Variants in PTPRT observed in about 807,000 individuals in gnomAD.
PTPRT encodes the protein protein tyrosine phosphatase receptor type T, also known as receptor-type tyrosine-protein phosphatase T.
Under a neutral mutation model 176.8 loss-of-function variants are expected in PTPRT, and 56 were observed. The observed-to-expected ratio is 0.32, with a 90% CI of 0.26 to 0.40. The LOEUF is 0.40. PTPRT is among the 10% of genes least tolerant of loss of function. The pLI, the probability that PTPRT is intolerant of heterozygous loss-of-function variation, is 1.00. For missense variants in PTPRT, 1,540 were observed against 1,908.2 expected (o/e 0.81, Z 3.60); for synonymous variants, 783 against 739.0 (o/e 1.06, Z -0.96).
intron 27 of PTPRT, among the ~76,000 whole-genome samples, chr20:42,096,756 A>AATTTTTTTTTT (rs1555862037): frequency 8.4e-6 from 1 of 118,868 alleles, no homozygotes; most frequent in African/African-American, 3.1e-5. Context: ...GCTAATTAAA[A>AATTTTTTTTTT]TTTTTTTTTT....
chr20:42,063,280 G>A, the PTPRT span, among the ~76,000 whole-genome samples: 22 of 152,168 alleles, frequency 1.4e-4, no homozygotes, highest in Non-Finnish European at 2.9e-5. Context: ...CCCACAGTCT[G>A]TTTGGACATA....
chr20:42,469,060 C>T (rs1316546023), intron 8 of PTPRT, among the ~76,000 whole-genome samples: 1 of 152,114 alleles, frequency 6.6e-6, no homozygotes, highest in African/African-American at 2.4e-5. Context: ...GGGATAGATG[C>T]TCCTTTGTGA....
At chr20:43,077,253 G>A (rs1416802308) in intron 1 of PTPRT, among the ~76,000 whole-genome samples, 6 of 152,178 alleles carry the variant, frequency 3.9e-5, no homozygotes, top group Non-Finnish European at 2.9e-5. Context: ...GGCTTCATGT[G>A]CATTATCTCA....
chr20:42,194,362 T>C (rs1333943361), intron 16 of PTPRT, among the ~76,000 whole-genome samples: 1 of 152,178 alleles, frequency 6.6e-6, no homozygotes, highest in African/African-American at 2.4e-5. Context: ...TGCCTTTACC[T>C]TCCAGACATG....
intron 13 of PTPRT, among the ~76,000 whole-genome samples, chr20:42,269,444 A>G (rs1210601338): frequency 6.6e-6 from 1 of 152,206 alleles, no homozygotes; most frequent in Admixed American, 6.5e-5. Context: ...TGACAGTTAA[A>G]GGTTTGAAAT....
At chr20:42,687,018 G>T (rs2146102805) in intron 6 of PTPRT, among the ~76,000 whole-genome samples, 1 of 152,228 alleles carries the variant, frequency 6.6e-6, no homozygotes, top group African/African-American at 2.4e-5. Context: ...TCTTCCTCAT[G>T]GTAATTGCCA....
At chr20:42,639,723 G>C (rs1600526680) in intron 7 of PTPRT, among the ~76,000 whole-genome samples, 1 of 152,032 alleles carries the variant, frequency 6.6e-6, no homozygotes, top group African/African-American at 2.4e-5. Context: ...AGGACACTAG[G>C]AGACACAAAC....
At chr20:42,832,826 A>T (rs2867558) in intron 2 of PTPRT, among the ~76,000 whole-genome samples, 8,647 of 140,726 alleles carry the variant, frequency 0.061, 379 homozygotes, top group East Asian at 0.14. Context: ...AAAAAAGGCC[A>T]GGCTTGGTGC....
At chr20:42,974,548 A>G (rs1393528581) in intron 1 of PTPRT, among the ~76,000 whole-genome samples, 1 of 151,666 alleles carries the variant, frequency 6.6e-6, no homozygotes, top group Non-Finnish European at 1.5e-5. Flanking sequence ...AGCTTCTTTC[A>G]CTCTACACTG....
At chr20:42,136,897 G>A (rs558983466) in intron 18 of PTPRT, among the ~76,000 whole-genome samples, 6 of 152,234 alleles carry the variant, frequency 3.9e-5, no homozygotes, top group South Asian at 2.1e-4. Context: ...GGCTTAATTC[G>A]GCTGAGGAGC....
chr20:42,367,322 C>A (rs988461), intron 9 of PTPRT, among the ~76,000 whole-genome samples: 65,926 of 152,002 alleles, frequency 0.43, 15,118 homozygotes, highest in Non-Finnish European at 0.51. Flanking sequence ...GTCAGTCAGA[C>A]CTGAATCTAC....
At position 42,080,943 on chromosome 20, in the gene PTPRT, G is replaced by GAGAGGAGC; in HGVS notation, c.4273-19_4273-12dup. On this transcript the variant is annotated splice_polypyrimidine_tract_variant and intron_variant, in intron 30 of 30. Coordinates refer to ENST00000373187, the MANE Select transcript of PTPRT (RefSeq NM_007050.6). ...AAATTTATACTGTTCCTGAGAGGCG[G>GAGAGGAGC]AGAGGAGCAGAGGCAGAGAGGGAGA... 1.3e-6 allele frequency: 2 copies of GAGAGGAGC among 1,577,176 alleles called. No homozygotes were observed. The highest frequency in any genetic ancestry group is 1.7e-6 in the Non-Finnish European group (2 of 1,147,020).
At chr20:42,835,603 T>C (rs757592229) in intron 2 of PTPRT, among the ~76,000 whole-genome samples, 4 of 152,210 alleles carry the variant, frequency 2.6e-5, no homozygotes, top group African/African-American at 4.8e-5. Context: ...CTTTGTAGCA[T>C]ACATTACTTT....
intron 7 of PTPRT, among the ~76,000 whole-genome samples, chr20:42,611,054 A>C (rs1282025686): frequency 1.3e-5 from 2 of 152,246 alleles, no homozygotes; most frequent in South Asian, 2.1e-4. Flanking sequence ...GCTATATTTA[A>C]TTTATCCGAT....
intron 9 of PTPRT, among the ~76,000 whole-genome samples, chr20:42,369,361 A>T (rs542578272): frequency 4.5e-4 from 68 of 152,280 alleles, no homozygotes; most frequent in African/African-American, 1.6e-3. Context: ...AACAAATGAG[A>T]CTGTAAGAGA....
chr20:42,851,985 A>G (rs1412940151), intron 2 of PTPRT, among the ~76,000 whole-genome samples: 4 of 152,230 alleles, frequency 2.6e-5, no homozygotes, highest in Non-Finnish European at 5.9e-5. Context: ...ATTTACATAG[A>G]CACAAATCAT....
At chr20:43,123,149 CG>C (rs1232760174) in intron 1 of PTPRT, among the ~76,000 whole-genome samples, 2 of 152,186 alleles carry the variant, frequency 1.3e-5, no homozygotes, top group African/African-American at 4.8e-5. Flanking sequence ...CCACTGCACC[CG>C]GCCCCCTGGT....
intron 2 of PTPRT, among the ~76,000 whole-genome samples, chr20:42,869,897 G>T (rs2078815697): frequency 6.6e-6 from 1 of 152,160 alleles, no homozygotes; most frequent in Admixed American, 6.5e-5. Flanking sequence ...CCTCATGAAT[G>T]GGAATAGCAA....
intron 9 of PTPRT, among the ~76,000 whole-genome samples, chr20:42,353,984 T>C (rs138169844): frequency 3.6e-4 from 54 of 152,064 alleles, no homozygotes; most frequent in African/African-American, 1.3e-3. Context: ...AGCCCAGGAG[T>C]TCAAGGCTAT....
Sources: gnomAD v4.1 joint callset for allele counts (sites outside exome capture counted in the v4.1 genomes callset) on GRCh38, gnomAD v4.1.1 for gene constraint, MANE v1.5 for transcripts, NCBI Gene and HGNC (gene_info 2026-07-23, HGNC 2026-07-21) for gene names.